ADCY10: variants seen among roughly 807,000 people sequenced by gnomAD.
The protein encoded by ADCY10 is adenylate cyclase 10.
A neutral mutation model predicts 183.3 loss-of-function variants in ADCY10; 156 were observed. The observed-to-expected ratio is 0.85, with a 90% confidence interval of 0.75 to 0.97. The LOEUF is 0.97. ADCY10 is among the 50% of genes least tolerant of loss of function. The probability of loss-of-function intolerance (pLI) is 0.00; values close to 1 mark genes in which losing one functional copy is unlikely to be tolerated. For missense variants in ADCY10, 1,745 were observed against 1,934.3 expected (o/e 0.90, Z 1.84); for synonymous variants, 645 against 670.0 (o/e 0.96, Z 0.58).
In ADCY10 at chr1:167,896,693, T is replaced by A; in HGVS notation, c.643-2A>T. The stretch of plus-strand genomic sequence containing the variant: ...GGGGGGTGGTTTTAAGAAGTTAACC[T>A]AAATAAAAGCAAATGAGAAGTTTTC... On this transcript the variant is annotated splice_acceptor_variant, in intron 6 of 32. Transcript: ENST00000367851. LOFTEE classifies it high-confidence loss of function. 1 of 1,583,518 alleles carries A rather than the reference T, an allele frequency of 6.3e-7. No individual in the cohort carries two copies. Among genetic ancestry groups the A allele is most frequent in the Non-Finnish European group, 8.7e-7 (1 of 1,152,266 alleles).
intron 31 of ADCY10, among the ~76,000 whole-genome samples, chr1:167,812,334 A>C (rs1662269934): frequency 6.6e-6 from 1 of 152,194 alleles, no homozygotes; most frequent in African/African-American, 2.4e-5. Context: ...ACAGCCAGAC[A>C]TTAAATACTA....
chr1:167,829,525 C>T, intron 25 of ADCY10, 102 bp from the exon 26 acceptor site: 2 of 1,375,230 alleles, frequency 1.5e-6, no homozygotes, highest in Admixed American at 1.7e-5. Context: ...GCCTGGGAAT[C>T]AAAACTGACT....
At chr1:167,834,444 T>G in intron 23 of ADCY10, 1 of 325,094 alleles carries the variant, frequency 3.1e-6, no homozygotes, top group South Asian at 3.3e-5. Flanking sequence ...CACATCCACT[T>G]CCCTTGAACA....
chr1:167,867,790 A>AT (rs1666811737), intron 14 of ADCY10, among the ~76,000 whole-genome samples: 1 of 152,100 alleles, frequency 6.6e-6, no homozygotes, highest in Non-Finnish European at 1.5e-5. Flanking sequence ...AAAAAAAAAA[A>AT]GTTACACAGC....
At chr1:167,819,086 G>T (rs1662708729) in intron 30 of ADCY10, among the ~76,000 whole-genome samples, 1 of 151,542 alleles carries the variant, frequency 6.6e-6, no homozygotes, top group South Asian at 2.1e-4. Context: ...AAGCTCTCCA[G>T]GTGATTTTTT....
At chr1:167,827,783 A>G (rs1022339258) in intron 26 of ADCY10, among the ~76,000 whole-genome samples, 1 of 151,292 alleles carries the variant, frequency 6.6e-6, no homozygotes, top group African/African-American at 2.4e-5. Flanking sequence ...GTGTGATCTC[A>G]TCTCACTGCA....
Position 167,836,471 on chromosome 1 carries a change from G to C in ADCY10, c.3147C>G (p.Asp1049Glu). 6.2e-7 allele frequency: 1 copy of C among 1,614,094 alleles called. No individual in the cohort carries two copies. The highest frequency in any genetic ancestry group is 2.2e-5 in the East Asian group (1 of 44,880). ...DHVLTKMKTS[D>E]EDIIPLESCQ... ...AAGATTCCAGAGGGATAATGTCTTC[G>C]TCAGATGTCTTCATTTTTGTTAAAA... is the stretch of plus-strand genomic sequence containing the variant. The change falls in exon 23 of 33, where the codon GAC becomes GAG. Residue 1049 changes from aspartate to glutamate, a missense_variant. By Grantham distance (45) the Asp-to-Glu change is conservative. Transcript: ENST00000367851.
intron 31 of ADCY10, among the ~76,000 whole-genome samples, chr1:167,812,007 G>C (rs190410193): frequency 7.9e-5 from 12 of 152,312 alleles, no homozygotes; most frequent in Admixed American, 3.3e-4. Context: ...TTCAGTTTCA[G>C]CTCTTAGCAC....
chr1:167,870,920 T>G (rs60388393), intron 13 of ADCY10, among the ~76,000 whole-genome samples: 1 of 152,250 alleles, frequency 6.6e-6, no homozygotes, highest in African/African-American at 2.4e-5. Context: ...GCTAACCATG[T>G]GGTTTTGCAG....
At chr1:167,864,895 G>GAAAA (rs59361245) in intron 14 of ADCY10, among the ~76,000 whole-genome samples, 100 of 129,270 alleles carry the variant, frequency 7.7e-4, no homozygotes, top group African/African-American at 2.3e-3. Context: ...TTGCTAACAG[G>GAAAA]AAAAAAAAAA....
chr1:167,841,823 A>T (rs1382720352), intron 21 of ADCY10, among the ~76,000 whole-genome samples: 1 of 152,226 alleles, frequency 6.6e-6, no homozygotes, highest in East Asian at 1.9e-4. Flanking sequence ...TTTCTCCAAC[A>T]GAATGCTGTT....
chr1:167,878,513 T>C lies in ADCY10; in HGVS notation c.1339A>G (p.Lys447Glu), dbSNP rs184903704. ...LPAYFFKELP[K>E]KVMKGVADSG... ...TCTGCAACACCTTTCATAACTTTCT[T>C]TGGAAGCTCTTTAAAAAAGTACGCT... The change falls in exon 12 of 33, where the codon AAG becomes GAG. Residue 447 changes from lysine (K) to glutamate (E), a missense_variant. Transcript: ENST00000367851. 23 of 1,614,168 alleles carry C rather than the reference T, an allele frequency of 1.4e-5. No individual in the cohort carries two copies. Among genetic ancestry groups the C allele is most frequent in the Admixed American group, 3.3e-5 (2 of 60,018 alleles).
intron 6 of ADCY10, among the ~76,000 whole-genome samples, chr1:167,897,713 A>AAAT: frequency 0.071 from 1 of 14 alleles, no homozygotes; most frequent in African/African-American, 0.12. Context: ...AATATCAACA[A>AAAT]GGCCGGGCGC....
At chr1:167,900,554 T>C (rs542351635) in intron 5 of ADCY10, among the ~76,000 whole-genome samples, 3 of 152,114 alleles carry the variant, frequency 2.0e-5, no homozygotes, top group South Asian at 2.1e-4. Flanking sequence ...TTTTTTGAGA[T>C]GGAGTTTCAC....
rs1667638034 is a variant in ADCY10 at position 167,878,465 on chromosome 1, A to G, written c.1387T>C (p.Trp463Arg). The G allele has an allele frequency of 1.9e-6, 3 of 1,613,938 alleles. No homozygotes were observed. In the Admixed American group the frequency reaches 5.0e-5, roughly 27 times the overall value. The change falls in exon 12 of 33, where the codon TGG becomes CGG. Residue 463 changes from tryptophan to arginine, a missense_variant. Transcript: ENST00000367851. ...ACTCACACTTTCTCAGTACGGCCCC[A>G]ATACTGATACAATGGTCCAGAATCT... ...VADSGPLYQY[W>R]GRTEKVMFGM...
intron 17 of ADCY10, among the ~76,000 whole-genome samples, chr1:167,855,692 A>G (rs1665839515): frequency 6.6e-6 from 1 of 152,174 alleles, no homozygotes; most frequent in African/African-American, 2.4e-5. Flanking sequence ...CATCCATCCT[A>G]CCAAGCATTA....
chr1:167,837,535 A>G (rs1284333440), intron 21 of ADCY10, among the ~76,000 whole-genome samples: 1 of 152,200 alleles, frequency 6.6e-6, no homozygotes, highest in East Asian at 1.9e-4. Flanking sequence ...CTAGGCTAAG[A>G]TGGTTATGTG....
intron 12 of ADCY10, among the ~76,000 whole-genome samples, chr1:167,876,932 G>A (rs1250234056): frequency 3.9e-5 from 6 of 152,142 alleles, no homozygotes; most frequent in African/African-American, 1.2e-4. Context: ...GACACATAGA[G>A]CCAGATTGCC....
rs779710995 is a variant in ADCY10, at chr1:167,899,419, C to A, written c.642+4G>T. The A allele has an allele frequency of 6.2e-7, 1 of 1,614,104 alleles. No individual in the cohort carries two copies. ...CTTTCTGTAAGTAGCAGCATCACAC[C>A]CACCTTAACTGCTCTCTGATCTGGA... On this transcript the variant is annotated splice_donor_region_variant and intron_variant, in intron 6 of 32. Transcript: ENST00000367851.
Sources: gnomAD v4.1 joint callset for allele counts (sites outside exome capture counted in the v4.1 genomes callset) on GRCh38, gnomAD v4.1.1 for gene constraint, MANE v1.5 for transcripts, NCBI Gene and HGNC (gene_info 2026-07-23, HGNC 2026-07-21) for gene names.